Variants in SUPT3H observed in about 807,000 individuals in gnomAD.
SUPT3H encodes the protein SPT3 homolog, SAGA and STAGA complex component, also known as transcription initiation protein SPT3 homolog.
In SUPT3H, 44 loss-of-function variants were observed where a neutral mutation model predicts 44.3. That is an observed-to-expected ratio of 0.99 (90% CI 0.78 to 1.28). SUPT3H has a LOEUF of 1.28. Ranked by LOEUF, SUPT3H falls within the 50% of genes most tolerant of loss-of-function variation. The probability of loss-of-function intolerance (pLI) is 0.00; values close to 1 mark genes in which losing one functional copy is unlikely to be tolerated. For missense variants in SUPT3H, 380 were observed against 387.1 expected, an observed-to-expected ratio of 0.98 and a Z score of 0.15; for synonymous variants, 124 against 125.6, an observed-to-expected ratio of 0.99 and a Z score of 0.09.
intron 2 of SUPT3H, among the ~76,000 whole-genome samples, chr6:45,261,922 A>G (rs1399081440): frequency 6.6e-6 from 1 of 152,154 alleles, no homozygotes; most frequent in Non-Finnish European, 1.5e-5. Flanking sequence ...AAGCATTTCT[A>G]TATACCAATA....
At position 45,187,101 on chromosome 6, in the gene SUPT3H, TAAAAA is replaced by T. The variant is rs70996308; in HGVS notation, c.102-81100_102-81096del. 1.3e-3 allele frequency among the ~76,000 whole-genome samples: 100 copies of T among 79,854 alleles called. 1 individual carries two copies. Among genetic ancestry groups the T allele is most frequent in the African/African-American group, 4.3e-3 (92 of 21,408 alleles). 52.4% of individuals were successfully genotyped at this position (79,854 alleles called of 152,430 possible). A position where few individuals can be genotyped will look rare whatever the true frequency, so the allele number is the denominator to read the frequency against. Reference sequence around the variant, plus strand: ...CAACATGGTGATACTTTTTCGCCTTTAAAAAAAAAAAAAAAAAAAAAAAAAAAAGA... The same window carrying T: ...CAACATGGTGATACTTTTTCGCCTTTAAAAAAAAAAAAAAAAAAAAAAAGA... On this transcript the variant is annotated intron_variant, in intron 2 of 10. Coordinates refer to ENST00000371459, the MANE Select transcript of SUPT3H (RefSeq NM_003599.4).
intron 6 of SUPT3H, among the ~76,000 whole-genome samples, chr6:44,962,743 T>C (rs1776211153): frequency 6.6e-6 from 1 of 152,164 alleles, no homozygotes; most frequent in South Asian, 2.1e-4. Context: ...ATTCCAATGA[T>C]AGGTCAGTTG....
intron 2 of SUPT3H, among the ~76,000 whole-genome samples, chr6:45,114,301 G>A (rs762021108): frequency 1.3e-5 from 2 of 151,964 alleles, no homozygotes; most frequent in South Asian, 2.1e-4. Flanking sequence ...TTTACATTCC[G>A]ATGAGGAAAG....
At chr6:45,196,847 A>G (rs993154123) in intron 2 of SUPT3H, among the ~76,000 whole-genome samples, 2 of 151,884 alleles carry the variant, frequency 1.3e-5, no homozygotes, top group African/African-American at 4.8e-5. Context: ...AAATGATTCA[A>G]GAAAACATGG....
chr6:45,149,616 T>C (rs1326493026), intron 2 of SUPT3H, among the ~76,000 whole-genome samples: 1 of 152,182 alleles, frequency 6.6e-6, no homozygotes, highest in African/African-American at 2.4e-5. Flanking sequence ...ATAAAATCCA[T>C]ATTTAGGTAG....
intron 9 of SUPT3H, among the ~76,000 whole-genome samples, chr6:44,937,248 T>C (rs548405033): frequency 2.3e-4 from 35 of 152,048 alleles, no homozygotes; most frequent in African/African-American, 8.2e-4. Context: ...TCCCAGCACT[T>C]TGGGAGGCCG....
chr6:45,056,022 A>C (rs1232839441), intron 3 of SUPT3H, among the ~76,000 whole-genome samples: 1 of 152,182 alleles, frequency 6.6e-6, no homozygotes. Flanking sequence ...AAAAACATGA[A>C]TAGATAATTC....
intron 10 of SUPT3H, among the ~76,000 whole-genome samples, chr6:44,927,095 G>C (rs886498802): frequency 6.6e-6 from 1 of 151,854 alleles, no homozygotes; most frequent in Middle Eastern, 3.3e-3. Flanking sequence ...CCTAAATAAA[G>C]AACAAAATGG....
chr6:44,832,743 G>A (rs1287060059), intron 10 of SUPT3H, among the ~76,000 whole-genome samples: 2 of 151,934 alleles, frequency 1.3e-5, no homozygotes, highest in Admixed American at 6.6e-5. Context: ...TATTCATACA[G>A]TGCCAAATTA....
intron 6 of SUPT3H, among the ~76,000 whole-genome samples, chr6:44,998,215 AT>A (rs997749049): frequency 1.3e-4 from 20 of 151,968 alleles, no homozygotes; most frequent in African/African-American, 4.6e-4. Flanking sequence ...TATTTCATGA[AT>A]TAAAGAGCTC....
intron 2 of SUPT3H, among the ~76,000 whole-genome samples, chr6:45,258,846 A>G (rs1297128730): frequency 2.6e-5 from 4 of 152,200 alleles, no homozygotes; most frequent in Admixed American, 6.5e-5. Context: ...CATGATTTTA[A>G]GTTACAAGGC....
At chr6:45,285,358 C>A (rs1326375734) in intron 2 of SUPT3H, among the ~76,000 whole-genome samples, 1 of 152,148 alleles carries the variant, frequency 6.6e-6, no homozygotes, top group Non-Finnish European at 1.5e-5. Context: ...CGTCTCAGCC[C>A]AAAATCTCCT....
intron 7 of SUPT3H, among the ~76,000 whole-genome samples, chr6:44,957,833 A>G (rs1423401464): frequency 1.3e-5 from 2 of 152,224 alleles, no homozygotes; most frequent in East Asian, 3.9e-4. Flanking sequence ...TCTATTCATC[A>G]AAAGACATGC....
chr6:45,148,429 T>C (rs1173337810), intron 2 of SUPT3H, among the ~76,000 whole-genome samples: 1 of 152,124 alleles, frequency 6.6e-6, no homozygotes, highest in East Asian at 1.9e-4. Flanking sequence ...AACTGATACA[T>C]TAGGGAACAA....
At chr6:45,103,575 T>C (rs900144677) in intron 3 of SUPT3H, among the ~76,000 whole-genome samples, 1 of 150,514 alleles carries the variant, frequency 6.6e-6, no homozygotes, top group African/African-American at 2.5e-5. Flanking sequence ...GCAGAAAAAA[T>C]AGTAAACTTA....
chr6:45,082,508 T>G (rs918066531), intron 3 of SUPT3H, among the ~76,000 whole-genome samples: 2 of 151,966 alleles, frequency 1.3e-5, no homozygotes, highest in African/African-American at 2.4e-5. Flanking sequence ...TGTCAATAAA[T>G]GTAATTCATT....
At chr6:45,321,370 C>A (rs1785467493) in intron 2 of SUPT3H, among the ~76,000 whole-genome samples, 2 of 152,066 alleles carry the variant, frequency 1.3e-5, no homozygotes, top group African/African-American at 4.8e-5. Flanking sequence ...ACTGTTTAAG[C>A]TGAAAAATGC....
chr6:44,829,595 TA>T lies in SUPT3H; in HGVS notation c.*220del. 1 of 536,086 alleles carries T rather than the reference TA, an allele frequency of 1.9e-6. No individual in the cohort carries two copies. The highest frequency in any genetic ancestry group is 3.3e-6 in the Non-Finnish European group (1 of 299,190). The allele number at this position is 536,086 out of a possible 1,614,324, so 33.2% of individuals were successfully genotyped here. ...ATTCTTGTCCACCTACAGACTATCC[TA>T]AACATCCTGCCATTAATTAGCTGAA... On this transcript the variant is annotated 3_prime_UTR_variant, in exon 11 of 11. Coordinates refer to ENST00000371459, the MANE Select transcript of SUPT3H (RefSeq NM_003599.4).
chr6:44,921,777 C>T lies in SUPT3H; in HGVS notation c.912+10876G>A, dbSNP rs1768768337. 3.3e-5 allele frequency among the ~76,000 whole-genome samples: 5 copies of T among 152,190 alleles called. No homozygotes were observed. In the South Asian group the frequency reaches 8.3e-4, roughly 25 times the overall value. On this transcript the variant is annotated intron_variant, in intron 10 of 10. Transcript: ENST00000371459. Reference sequence around the variant, plus strand: ...TCTCTACTGGAAACTGTAAAATCTACACAAGTGTTTGAATTGGATTGACAG... The same window carrying T: ...TCTCTACTGGAAACTGTAAAATCTATACAAGTGTTTGAATTGGATTGACAG...
Sources: allele counts gnomAD v4.1 joint callset (sites outside exome capture counted in the v4.1 genomes callset), GRCh38; gene constraint gnomAD v4.1.1; transcripts MANE v1.5; gene names NCBI Gene and HGNC (gene_info 2026-07-23, HGNC 2026-07-21).